Variants in FAT3 observed in about 807,000 individuals in gnomAD.
FAT3 encodes FAT atypical cadherin 3.
Under a neutral mutation model 310.2 loss-of-function variants are expected in FAT3, and 95 were observed. The observed-to-expected ratio is 0.31, with a 90% confidence interval of 0.26 to 0.36. The LOEUF is 0.36. Ranked by LOEUF, FAT3 falls within the 10% of genes least tolerant of loss-of-function variation. The pLI is 1.00. For synonymous variants in FAT3, 2,314 were observed against 2,192.9 expected, an observed-to-expected ratio of 1.06 and a Z score of -1.54; for missense variants, 5,408 against 5,715.6, an observed-to-expected ratio of 0.95 and a Z score of 1.74.
chr11:92,636,221 CA>C (rs1202697471), intron 3 of FAT3, among the ~76,000 whole-genome samples: 1 of 152,128 alleles, frequency 6.6e-6, no homozygotes, highest in Non-Finnish European at 1.5e-5. Context: ...CTCTGCCTCC[CA>C]AAATGCTGGG....
intron 8 of FAT3, among the ~76,000 whole-genome samples, chr11:92,791,550 C>T (rs1417285276): frequency 6.6e-6 from 1 of 152,210 alleles, no homozygotes; most frequent in Admixed American, 6.5e-5. Context: ...CACCCTCTAC[C>T]ATTTATCACT....
At chr11:92,837,900 C>A in intron 17 of FAT3, 94 bp downstream of exon 17, 1 of 1,465,914 alleles carries the variant, frequency 6.8e-7, no homozygotes, top group Non-Finnish European at 9.5e-7. Flanking sequence ...GCTACTATTA[C>A]TTAATGTCAT....
chr11:92,448,178 T>C (rs561433049), intron 2 of FAT3, among the ~76,000 whole-genome samples: 1 of 152,292 alleles, frequency 6.6e-6, no homozygotes, highest in South Asian at 2.1e-4. Flanking sequence ...TAAATTAATT[T>C]ATGAAAGTGC....
chr11:92,412,615 T>C (rs1950300805), intron 2 of FAT3, among the ~76,000 whole-genome samples: 1 of 143,532 alleles, frequency 7.0e-6, no homozygotes, highest in African/African-American at 2.5e-5. Context: ...TATTTAGCTG[T>C]AATAAGAATT....
intron 3 of FAT3, among the ~76,000 whole-genome samples, chr11:92,585,166 G>A (rs1197652007): frequency 6.6e-6 from 1 of 152,072 alleles, no homozygotes; most frequent in Non-Finnish European, 1.5e-5. Context: ...TGATATGGAC[G>A]TTGTATAGAC....
chr11:92,378,992 G>A (rs1004624310), intron 2 of FAT3, among the ~76,000 whole-genome samples: 10 of 152,110 alleles, frequency 6.6e-5, no homozygotes, highest in South Asian at 2.1e-4. Context: ...TGGGGGTTAC[G>A]AATTCAACAT....
At chr11:92,413,848 G>T (rs1950349681) in intron 2 of FAT3, among the ~76,000 whole-genome samples, 2 of 152,130 alleles carry the variant, frequency 1.3e-5, no homozygotes, top group African/African-American at 4.8e-5. Context: ...TGAGATGAAG[G>T]CATGGCTGGT....
At chr11:92,531,120 GTA>G (rs1203966036) in intron 3 of FAT3, among the ~76,000 whole-genome samples, 1 of 152,206 alleles carries the variant, frequency 6.6e-6, no homozygotes, top group Non-Finnish European at 1.5e-5. Flanking sequence ...TAGCGAATGA[GTA>G]TGTGTGAAAC....
intron 2 of FAT3, among the ~76,000 whole-genome samples, chr11:92,469,833 G>A (rs544208695): frequency 4.6e-5 from 7 of 152,098 alleles, no homozygotes; most frequent in African/African-American, 1.4e-4. Flanking sequence ...GATTATTAAA[G>A]ATAAAAAATA....
intron 3 of FAT3, among the ~76,000 whole-genome samples, chr11:92,660,157 A>G (rs2135790740): frequency 6.6e-6 from 1 of 152,016 alleles, no homozygotes; most frequent in Middle Eastern, 3.4e-3. Flanking sequence ...CAAATAACTC[A>G]TTGAATTTCT....
intron 3 of FAT3, among the ~76,000 whole-genome samples, chr11:92,529,160 T>G (rs914890544): frequency 5.3e-5 from 8 of 152,148 alleles, no homozygotes; most frequent in African/African-American, 1.9e-4. Flanking sequence ...AACAGAACCA[T>G]CATACTTACC....
intron 4 of FAT3, among the ~76,000 whole-genome samples, chr11:92,746,975 C>T (rs189801819): frequency 7.7e-4 from 117 of 152,282 alleles, no homozygotes; most frequent in South Asian, 4.6e-3. Context: ...CATGGACTGA[C>T]ATTGTGTCTG....
At chr11:92,785,504 A>G (rs1174291397) in intron 7 of FAT3, among the ~76,000 whole-genome samples, 1 of 152,182 alleles carries the variant, frequency 6.6e-6, no homozygotes, top group Non-Finnish European at 1.5e-5. Flanking sequence ...AAAAACTTCT[A>G]TAAGTGATAG....
At chr11:92,754,584 C>T (rs914398208) in intron 4 of FAT3, among the ~76,000 whole-genome samples, 4 of 136,528 alleles carry the variant, frequency 2.9e-5, no homozygotes, top group South Asian at 2.4e-4. Context: ...GCCAAGATAG[C>T]ACCATTGCAC....
At chr11:92,843,888 A>T (rs756395369) in intron 18 of FAT3, 46 bp from the exon 19 acceptor site, 3 of 1,520,854 alleles carry the variant, frequency 2.0e-6, no homozygotes, top group Admixed American at 2.1e-5. Context: ...ACTTACTATG[A>T]TTAGTTTTCT....
intron 1 of FAT3, among the ~76,000 whole-genome samples, chr11:92,315,441 G>T (rs1324463074): frequency 1.4e-5 from 2 of 147,270 alleles, no homozygotes; most frequent in African/African-American, 2.5e-5. Context: ...ACCTCAGTGT[G>T]TGTGTGTATA....
At chr11:92,296,424 T>C (rs1946850448) in intron 1 of FAT3, among the ~76,000 whole-genome samples, 1 of 152,042 alleles carries the variant, frequency 6.6e-6, no homozygotes, top group Admixed American at 6.6e-5. Flanking sequence ...GAGGAAACAC[T>C]TCATTATACT....
Position 92,321,402 on chromosome 11 carries a change from A to C in FAT3, c.-17-30694A>C, listed in dbSNP as rs1470885217. On this transcript the variant is annotated intron_variant, in intron 1 of 27. Coordinates refer to ENST00000525166, the MANE Select transcript of FAT3 (RefSeq NM_001367949.2). ...CAGTGAGCCGAGATCGCGCCACTGC[A>C]CTCCAGCCTGAGCAACAGGGCGAGA... Among the ~76,000 whole-genome samples, 4 of 151,396 alleles carry C rather than the reference A, an allele frequency of 2.6e-5. No homozygotes were observed. The East Asian group carries it at 7.8e-4, about 29-fold the overall frequency.
At chr11:92,744,602 T>C (rs1406323095) in intron 4 of FAT3, among the ~76,000 whole-genome samples, 1 of 152,200 alleles carries the variant, frequency 6.6e-6, no homozygotes, top group African/African-American at 2.4e-5. Flanking sequence ...TCTAAGAAAA[T>C]CTTCTGCACA....
Sources: allele counts gnomAD v4.1 joint callset (sites outside exome capture counted in the v4.1 genomes callset), GRCh38; gene constraint gnomAD v4.1.1; transcripts MANE v1.5; gene names NCBI Gene and HGNC (gene_info 2026-07-23, HGNC 2026-07-21).